The following PIK3C3 variants were observed in gnomAD, a reference collection of about 807,000 sequenced individuals.
The protein encoded by PIK3C3 is PI3-kinase type 3.
In PIK3C3, 95 loss-of-function variants were observed where a neutral mutation model predicts 126.1. The observed-to-expected ratio is 0.75, with a 90% CI of 0.64 to 0.89. The LOEUF (loss-of-function observed/expected upper bound fraction) is 0.89, where lower values mean the gene tolerates loss of function less well. Among genes scored for constraint, PIK3C3 ranks in the 40% least tolerant of loss-of-function variants. The probability of loss-of-function intolerance (pLI) is 0.00; values close to 1 mark genes in which losing one functional copy is unlikely to be tolerated. For missense variants in PIK3C3, 829 were observed against 1,063.2 expected (o/e 0.78, Z 3.06); for synonymous variants, 374 against 360.0 (o/e 1.04, Z -0.44).
chr18:42,033,941 C>T lies in PIK3C3; in HGVS notation c.1823C>T (p.Thr608Ile). 1 of 1,603,264 alleles carries T rather than the reference C, an allele frequency of 6.2e-7. No homozygotes were observed. Among genetic ancestry groups the T allele is most frequent in the Non-Finnish European group, 8.5e-7 (1 of 1,174,866 alleles). ...QVKIRGIIPE[T>I]ATLFKSALMP... is the part of the protein sequence containing the mutation. ...AAAATTAGAGGAATAATTCCGGAAACAGCTACACTGTTTAAAGTAATTGTG... is the reference window on the plus strand; with the variant it reads ...AAAATTAGAGGAATAATTCCGGAAATAGCTACACTGTTTAAAGTAATTGTG... Residue 608 changes from threonine (T) to isoleucine (I), a missense_variant, in exon 16 of 25, where the codon ACA (threonine) becomes ATA (isoleucine). Transcript: ENST00000262039.
intron 24 of PIK3C3, among the ~76,000 whole-genome samples, chr18:42,080,651 G>A (rs1285684083): frequency 6.6e-6 from 1 of 152,098 alleles, no homozygotes; most frequent in Non-Finnish European, 1.5e-5. Flanking sequence ...TCTTCACTAG[G>A]CCTCTCGACT....
intron 13 of PIK3C3, chr18:42,025,550 T>A (rs1225358484): frequency 6.6e-6 from 1 of 152,206 alleles, no homozygotes; most frequent in Non-Finnish European, 1.5e-5. Context: ...ATTTGGAGTT[T>A]GTGAACCCTG....
chr18:42,032,221 C>T (rs2144449173), intron 15 of PIK3C3, among the ~76,000 whole-genome samples: 1 of 152,154 alleles, frequency 6.6e-6, no homozygotes, highest in East Asian at 1.9e-4. Context: ...GCATGTGTGG[C>T]AGTTGTGAGA....
intron 19 of PIK3C3, among the ~76,000 whole-genome samples, chr18:42,042,068 A>G (rs996654870): frequency 6.6e-6 from 1 of 152,178 alleles, no homozygotes; most frequent in African/African-American, 2.4e-5. Flanking sequence ...GTTTGTTCAA[A>G]TAATATGCTT....
At chr18:41,964,215 A>G (rs763782254) in intron 3 of PIK3C3, among the ~76,000 whole-genome samples, 5 of 152,170 alleles carry the variant, frequency 3.3e-5, no homozygotes, top group Non-Finnish European at 7.4e-5. Flanking sequence ...AACACTGCTT[A>G]TTAAATAAGT....
chr18:42,065,201 C>CT lies in PIK3C3; in HGVS notation c.2523+379dup, dbSNP rs891449389. Reference sequence around the variant, plus strand: ...ATCATTTGGAATGTCTATTATCTCTCTTTTTTTTAATAACTAGATGTGTGA... The same window carrying CT: ...ATCATTTGGAATGTCTATTATCTCTCTTTTTTTTTAATAACTAGATGTGTGA... On this transcript the variant is annotated intron_variant, in intron 23 of 24. Coordinates refer to ENST00000262039, the MANE Select transcript of PIK3C3 (RefSeq NM_002647.4). Among the ~76,000 whole-genome samples, 11 of 152,130 alleles carry CT rather than the reference C, an allele frequency of 7.2e-5. 1 individual carries two copies. Among genetic ancestry groups the CT allele is most frequent in the Non-Finnish European group, 1.2e-4 (8 of 68,000 alleles).
intron 10 of PIK3C3, among the ~76,000 whole-genome samples, chr18:42,009,645 C>A (rs1338298645): frequency 1.4e-5 from 2 of 139,502 alleles, no homozygotes; most frequent in Non-Finnish European, 3.0e-5. Flanking sequence ...TTATGTAATG[C>A]TTACATTATG....
At chr18:42,005,567 T>C (rs1004715712) in intron 10 of PIK3C3, among the ~76,000 whole-genome samples, 1 of 152,182 alleles carries the variant, frequency 6.6e-6, no homozygotes, top group African/African-American at 2.4e-5. Context: ...GAATATGTTC[T>C]TAAACATAAC....
At chr18:42,048,504 T>C (rs1199255778) in intron 20 of PIK3C3, among the ~76,000 whole-genome samples, 1 of 152,224 alleles carries the variant, frequency 6.6e-6, no homozygotes, top group Non-Finnish European at 1.5e-5. Context: ...AAGTTTTTCA[T>C]TTGAAGGATG....
At chr18:41,981,954 A>T (rs1981225253) in intron 4 of PIK3C3, among the ~76,000 whole-genome samples, 1 of 152,018 alleles carries the variant, frequency 6.6e-6, no homozygotes, top group Non-Finnish European at 1.5e-5. Context: ...ACTGCACTCC[A>T]GTCTAGGCAA....
rs1567990849 is a variant in PIK3C3, at chr18:42,029,441, G to C, written c.1707G>C (p.Lys569Asn). ...GCGAAAGTGGAAATCGTAAGAAAAA[G>C]GTAAGCCTATGGTGTATGCTTTTGT... ...VQRESGNRKKKNERLQALLGD... is the reference protein window; with the variant it reads ...VQRESGNRKKNNERLQALLGD... Residue 569 changes from lysine to asparagine, a missense_variant and splice_region_variant, in exon 15 of 25, where the codon AAG (lysine) becomes AAC (asparagine). Lys to Asn is a moderately conservative substitution (Grantham distance 94). Transcript: ENST00000262039. 1 of 1,559,678 alleles carries C rather than the reference G, an allele frequency of 6.4e-7. No homozygotes were observed.
chr18:42,081,172 T>C lies in PIK3C3; in HGVS notation c.*35T>C, dbSNP rs780407788. The C allele has an allele frequency of 3.9e-6, 6 of 1,530,500 alleles. No homozygotes were observed. Among genetic ancestry groups the C allele is most frequent in the Non-Finnish European group, 4.5e-6 (5 of 1,112,564 alleles). The allele number at this position is 1,530,500 out of a possible 1,614,324, so 94.8% of individuals were successfully genotyped here. A position where few individuals can be genotyped will look rare whatever the true frequency, so the allele number is the denominator to read the frequency against. ...TGACCCATCAAGATGCTTGGCTCAA[T>C]AAGAAAACCACGTTAGGAGCAACCT... On this transcript the variant is annotated 3_prime_UTR_variant, in exon 25 of 25. Coordinates refer to ENST00000262039, the MANE Select transcript of PIK3C3 (RefSeq NM_002647.4).
intron 16 of PIK3C3, among the ~76,000 whole-genome samples, chr18:42,035,613 G>A (rs781207559): frequency 3.3e-5 from 5 of 152,080 alleles, no homozygotes; most frequent in Non-Finnish European, 5.9e-5. Flanking sequence ...TGGTTCTGAG[G>A]CAGTTGCTAC....
intron 4 of PIK3C3, among the ~76,000 whole-genome samples, chr18:41,976,560 A>G (rs1327017860): frequency 6.6e-6 from 1 of 152,218 alleles, no homozygotes; most frequent in Non-Finnish European, 1.5e-5. Flanking sequence ...TTTTTTATTC[A>G]AATCCCAGCT....
At chr18:42,032,675 C>A (rs528789706) in intron 15 of PIK3C3, among the ~76,000 whole-genome samples, 7 of 138,506 alleles carry the variant, frequency 5.1e-5, no homozygotes, top group Admixed American at 3.6e-4. Flanking sequence ...TTTTAATTAG[C>A]GCATCAACTA....
chr18:42,076,100 A>ATATATATG (rs1985970046), intron 24 of PIK3C3, among the ~76,000 whole-genome samples: 1 of 73,668 alleles, frequency 1.4e-5, no homozygotes, highest in Non-Finnish European at 2.6e-5. Context: ...ATATATATAT[A>ATATATATG]TATATATATA....
intron 13 of PIK3C3, among the ~76,000 whole-genome samples, chr18:42,021,941 T>G (rs1983342048): frequency 6.6e-6 from 1 of 152,190 alleles, no homozygotes; most frequent in Non-Finnish European, 1.5e-5. Flanking sequence ...ACCAGTACTT[T>G]TGAATAATGA....
At chr18:42,032,466 G>A (rs985504433) in intron 15 of PIK3C3, among the ~76,000 whole-genome samples, 5 of 152,060 alleles carry the variant, frequency 3.3e-5, no homozygotes, top group African/African-American at 1.2e-4. Flanking sequence ...ATAAGAAACT[G>A]TAGGAGGGTG....
intron 5 of PIK3C3, among the ~76,000 whole-genome samples, chr18:41,988,926 T>C (rs1166101981): frequency 6.6e-6 from 1 of 152,140 alleles, no homozygotes; most frequent in African/African-American, 2.4e-5. Flanking sequence ...GAAAACGTAA[T>C]GTTAGAGTTT....
Sources: allele counts gnomAD v4.1 joint callset (sites outside exome capture counted in the v4.1 genomes callset), GRCh38; gene constraint gnomAD v4.1.1; transcripts MANE v1.5; gene names NCBI Gene and HGNC (gene_info 2026-07-23, HGNC 2026-07-21).